The following SLC23A2 variants were observed in gnomAD, a reference collection of about 807,000 sequenced individuals.
The protein encoded by SLC23A2 is solute carrier family 23 member 2, also known as Na(+)/L-ascorbic acid transporter 2.
A neutral mutation model predicts 73.3 loss-of-function variants in SLC23A2; 36 were observed. The observed-to-expected ratio is 0.49, with a 90% CI of 0.38 to 0.65. The LOEUF is 0.65. SLC23A2 is among the 30% of genes least tolerant of loss of function. The probability of loss-of-function intolerance (pLI) is 0.00; values close to 1 mark genes in which losing one functional copy is unlikely to be tolerated. For missense variants in SLC23A2, 507 were observed against 841.6 expected (o/e 0.60, Z 4.92); for synonymous variants, 343 against 327.3 (o/e 1.05, Z -0.52).
intron 1 of SLC23A2, among the ~76,000 whole-genome samples, chr20:5,009,553 T>C (rs968151253): frequency 6.6e-6 from 1 of 152,192 alleles, no homozygotes; most frequent in African/African-American, 2.4e-5. Flanking sequence ...TTTATTTAAT[T>C]CTGTATGCCA....
Position 4,870,006 on chromosome 20 carries a change from G to C in SLC23A2, c.1150C>G (p.Leu384Val), listed in dbSNP as rs1270675776. The C allele has an allele frequency of 3.1e-6, 5 of 1,613,330 alleles. No homozygotes were observed. In the Admixed American group the frequency reaches 8.3e-5, roughly 27 times the overall value. The change falls in exon 12 of 17, where the codon CTC becomes GTC. Residue 384 changes from leucine (L) to valine (V), a missense_variant. This residue lies in a region of SLC23A2 where 217 missense variants were observed against 398.0 expected (regional missense o/e 0.55). Coordinates refer to ENST00000338244, the MANE Select transcript of SLC23A2 (RefSeq NM_005116.6). ...ATGATGCTGGCGACCACGGCACTGA[G>C]CATGCCGATGACACCGGCCGCAGAC... Reference protein sequence around the residue: ...TVSAAGVIGMLSAVVASIIES... With the variant: ...TVSAAGVIGMVSAVVASIIES...
At chr20:4,967,654 A>G (rs2063687328) in intron 2 of SLC23A2, among the ~76,000 whole-genome samples, 1 of 152,256 alleles carries the variant, frequency 6.6e-6, no homozygotes. Flanking sequence ...CACAAAGTCT[A>G]TAAACCAAAA....
In SLC23A2 at chr20:4,852,733, C is replaced by G. The variant is rs1054148649; in HGVS notation, c.*4239G>C. The G allele has an allele frequency of 6.6e-6, 1 of 152,206 alleles. No individual in the cohort carries two copies. The highest frequency in any genetic ancestry group is 1.5e-5 in the Non-Finnish European group (1 of 67,988). 9.4% of individuals were successfully genotyped at this position (152,206 alleles called of 1,614,324 possible). On this transcript the variant is annotated 3_prime_UTR_variant, in exon 17 of 17. Transcript: ENST00000338244. This position sits in a 1 kb window ranked among gnomAD's most constrained non-coding sequence, Gnocchi z 4.3. ...GGTGTCAAATGAAGATTGTTACTAA[C>G]GAACAAAAAAGGAGAGTCATTTGAA...
intron 6 of SLC23A2, among the ~76,000 whole-genome samples, chr20:4,892,708 G>A (rs1274595948): frequency 6.6e-6 from 1 of 152,062 alleles, no homozygotes; most frequent in Non-Finnish European, 1.5e-5. Flanking sequence ...CAACAAATCA[G>A]AGGGATTGTG....
At position 4,863,239 on chromosome 20, in the gene SLC23A2, T is replaced by G. The variant is rs1930053056; in HGVS notation, c.1357-332A>C. The stretch of plus-strand genomic sequence containing the variant: ...CGGCACCACATGTCACCAAGGCAAT[T>G]TCCCCCAAAGTGCTTCAGCCTCAAT... On this transcript the variant is annotated intron_variant, in intron 13 of 16. Transcript: ENST00000338244. This position sits in a 1 kb window ranked among gnomAD's most constrained non-coding sequence, Gnocchi z 4.8. 6.6e-6 allele frequency among the ~76,000 whole-genome samples: 1 copy of G among 152,186 alleles called. No individual in the cohort carries two copies. Among genetic ancestry groups the G allele is most frequent in the Admixed American group, 6.5e-5 (1 of 15,296 alleles).
intron 1 of SLC23A2, among the ~76,000 whole-genome samples, chr20:4,985,634 C>T (rs1014671877): frequency 5.3e-5 from 8 of 151,974 alleles, no homozygotes; most frequent in South Asian, 2.1e-4. Context: ...TCTTAGTAGA[C>T]GCAGGGTTTC....
Position 4,862,170 on chromosome 20 carries a change from C to T in SLC23A2, c.1487-85G>A. The T allele has an allele frequency of 7.3e-7, 1 of 1,377,324 alleles. No individual in the cohort carries two copies. The highest frequency in any genetic ancestry group is 1.0e-6 in the Non-Finnish European group (1 of 988,458). 85.3% of individuals were successfully genotyped at this position (1,377,324 alleles called of 1,614,324 possible). A position where few individuals can be genotyped will look rare whatever the true frequency, so the allele number is the denominator to read the frequency against. ...GCAGGTGAGGGCAGGCTCCCTGGCA[C>T]CCCTTCTCTGTCCAACAGAAACCAA... On this transcript the variant is annotated intron_variant, in intron 14 of 16. Coordinates refer to ENST00000338244, the MANE Select transcript of SLC23A2 (RefSeq NM_005116.6). The surrounding 1 kb of genome is among the most constrained non-coding windows in gnomAD (Gnocchi z 5.1).
At chr20:4,879,147 C>T (rs1338495307) in intron 9 of SLC23A2, among the ~76,000 whole-genome samples, 2 of 152,174 alleles carry the variant, frequency 1.3e-5, no homozygotes, top group Non-Finnish European at 2.9e-5. Context: ...TGGCTCACGC[C>T]TGTAATCCCA....
intron 12 of SLC23A2, 140 bp downstream of exon 12, chr20:4,869,766 C>T (rs1930365225): frequency 3.1e-6 from 2 of 649,058 alleles, no homozygotes; most frequent in Non-Finnish European, 2.7e-6. Context: ...GGTGGTGATG[C>T]ATCAAACAGT....
chr20:4,912,706 C>G (rs2122894887), intron 4 of SLC23A2, among the ~76,000 whole-genome samples, 174 bp downstream of exon 4: 1 of 151,826 alleles, frequency 6.6e-6, no homozygotes, highest in African/African-American at 2.4e-5. Flanking sequence ...CTTCTATTCC[C>G]TATGGCTCCT....
chr20:4,959,981 A>G (rs112412700), intron 2 of SLC23A2, among the ~76,000 whole-genome samples: 3,652 of 151,898 alleles, frequency 0.024, 155 homozygotes, highest in African/African-American at 0.083. Context: ...TTTTGTAGAG[A>G]TGAGGTCTCG....
At chr20:5,004,799 AGACCAGCCT>A (rs2088172373), upstream of SLC23A2, among the ~76,000 whole-genome samples, 1 of 152,166 alleles carries the variant, frequency 6.6e-6, no homozygotes. Context: ...CGGGAGTTCG[AGACCAGCCT>A]GACCAACATG....
chr20:4,875,227 T>G (rs1041051815), intron 9 of SLC23A2, among the ~76,000 whole-genome samples: 1 of 152,244 alleles, frequency 6.6e-6, no homozygotes, highest in African/African-American at 2.4e-5. Flanking sequence ...CCAATCTACT[T>G]ACAGCACGCA....
At chr20:4,965,547 G>GT (rs919942084) in intron 2 of SLC23A2, among the ~76,000 whole-genome samples, 3 of 151,738 alleles carry the variant, frequency 2.0e-5, no homozygotes, top group African/African-American at 7.3e-5. Context: ...CAAGGCAGGC[G>GT]TATCACTTGA....
At chr20:4,955,370 C>T (rs1484566496) in intron 2 of SLC23A2, among the ~76,000 whole-genome samples, 14 of 127,646 alleles carry the variant, frequency 1.1e-4, no homozygotes, top group African/African-American at 5.4e-4. Context: ...CACACACACA[C>T]ACACACACAC....
intron 7 of SLC23A2, 55 bp from the exon 8 acceptor site, chr20:4,884,878 T>C (rs983327671): frequency 2.3e-5 from 23 of 987,824 alleles, no homozygotes; most frequent in Non-Finnish European, 2.7e-5. Context: ...TCACATGACA[T>C]ATTCATTTTA....
chr20:4,979,589 A>G (rs1486137538), intron 1 of SLC23A2, among the ~76,000 whole-genome samples: 1 of 152,146 alleles, frequency 6.6e-6, no homozygotes, highest in Non-Finnish European at 1.5e-5. Context: ...ATATAGAGAC[A>G]ATAATATTGG....
intron 2 of SLC23A2, among the ~76,000 whole-genome samples, chr20:4,950,294 A>T (rs1047811913): frequency 9.2e-5 from 14 of 152,242 alleles, no homozygotes; most frequent in African/African-American, 3.4e-4. Context: ...GTGAAAAGGG[A>T]GATTAATTTT....
intron 1 of SLC23A2, among the ~76,000 whole-genome samples, chr20:4,976,334 G>A (rs2087644171): frequency 6.6e-6 from 1 of 151,912 alleles, no homozygotes; most frequent in African/African-American, 2.4e-5. Flanking sequence ...TCTCTCTTAA[G>A]TCATACTAGT....
Sources: allele counts gnomAD v4.1 joint callset (sites outside exome capture counted in the v4.1 genomes callset), GRCh38; gene constraint gnomAD v4.1.1; regional missense constraint gnomAD v4.1.1; non-coding constraint Gnocchi (gnomAD v3.1); transcripts MANE v1.5; gene names NCBI Gene and HGNC (gene_info 2026-07-23, HGNC 2026-07-21).